The following OSBPL3 variants were observed in gnomAD, a reference collection of about 807,000 sequenced individuals.
OSBPL3 encodes oxysterol binding protein like 3, also known as oxysterol-binding protein-related protein 3.
In OSBPL3, 65 loss-of-function variants were observed where a neutral mutation model predicts 120.1. The ratio of observed to expected loss-of-function variants is 0.54; its 90% CI spans 0.44 to 0.67. The LOEUF (loss-of-function observed/expected upper bound fraction) is 0.67, where lower values mean the gene tolerates loss of function less well. Ranked by LOEUF, OSBPL3 falls within the 30% of genes least tolerant of loss-of-function variation. OSBPL3 has a pLI of 0.00. For missense variants in OSBPL3, 1,004 were observed against 1,082.1 expected (o/e 0.93, Z 1.01); for synonymous variants, 416 against 402.6 (o/e 1.03, Z -0.40).
rs1816682382 is a variant in OSBPL3 at position 24,968,801 on chromosome 7, T to C, written c.-150+11085A>G. Among the ~76,000 whole-genome samples the C allele has an allele frequency of 6.6e-6, 1 of 152,238 alleles. No homozygotes were observed. Among genetic ancestry groups the C allele is most frequent in the African/African-American group, 2.4e-5 (1 of 41,460 alleles). On this transcript the variant is annotated intron_variant, in intron 1 of 22. Transcript: ENST00000313367. This position sits in a 1 kb window ranked among gnomAD's most constrained non-coding sequence, Gnocchi z 4.6. ...TATATTATATATGGATATTCTATAC[T>C]TCACTTTTTTCTTAACTTCACAATA...
intron 1 of OSBPL3, among the ~76,000 whole-genome samples, chr7:24,935,748 A>T (rs1404957849): frequency 6.6e-6 from 1 of 152,128 alleles, no homozygotes. Flanking sequence ...GGGGAACACC[A>T]ATATTTAATT....
intron 1 of OSBPL3, among the ~76,000 whole-genome samples, chr7:24,902,699 A>AT (rs1170553041): frequency 1.5e-4 from 18 of 119,890 alleles, no homozygotes; most frequent in African/African-American, 3.1e-4. Flanking sequence ...ACAAGAGAAA[A>AT]TAAATAATAA....
At chr7:24,844,030 G>C (rs1263148992) in intron 12 of OSBPL3, among the ~76,000 whole-genome samples, 1 of 152,156 alleles carries the variant, frequency 6.6e-6, no homozygotes, top group African/African-American at 2.4e-5. Flanking sequence ...AAGATTTCCT[G>C]GCTGACCAAC....
Position 24,833,779 on chromosome 7 carries a change from T to C in OSBPL3, c.1746+707A>G, listed in dbSNP as rs995254105. Among the ~76,000 whole-genome samples the C allele has an allele frequency of 2.0e-5, 3 of 152,198 alleles. No homozygotes were observed. Among genetic ancestry groups the C allele is most frequent in the Admixed American group, 1.3e-4 (2 of 15,286 alleles). On this transcript the variant is annotated intron_variant, in intron 15 of 22. Coordinates refer to ENST00000313367, the MANE Select transcript of OSBPL3 (RefSeq NM_015550.4). The surrounding 1 kb of genome is among the most constrained non-coding windows in gnomAD (Gnocchi z 4.4). Reference sequence around the variant, plus strand: ...AGTTAGTCACAGTCATAGAGAGGGCTGATCTGCCCAGAGTCTTGCCCTTTG... The same window carrying C: ...AGTTAGTCACAGTCATAGAGAGGGCCGATCTGCCCAGAGTCTTGCCCTTTG...
chr7:24,830,671 G>T lies in OSBPL3; in HGVS notation c.1884+97C>A. 8.4e-7 allele frequency: 1 copy of T among 1,188,298 alleles called. No homozygotes were observed. The highest frequency in any genetic ancestry group is 1.2e-6 in the Non-Finnish European group (1 of 841,862). 73.6% of individuals were successfully genotyped at this position (1,188,298 alleles called of 1,614,324 possible). On this transcript the variant is annotated intron_variant, in intron 16 of 22. Transcript: ENST00000313367. This position sits in a 1 kb window ranked among gnomAD's most constrained non-coding sequence, Gnocchi z 4.4. ...GCACTGTAATTATCTCGGCTGCTTTGAAGCCAGTGAAAGGTGGAAGATAAA... is the reference window on the plus strand; with the variant it reads ...GCACTGTAATTATCTCGGCTGCTTTTAAGCCAGTGAAAGGTGGAAGATAAA...
At chr7:24,848,009 C>A (rs1442111983) in intron 12 of OSBPL3, among the ~76,000 whole-genome samples, 1 of 152,226 alleles carries the variant, frequency 6.6e-6, no homozygotes, top group Non-Finnish European at 1.5e-5. Context: ...AAGAGACCCA[C>A]AAGCTTCTGC....
At chr7:24,840,111 A>G (rs78791717) in intron 14 of OSBPL3, among the ~76,000 whole-genome samples, 1,900 of 151,750 alleles carry the variant, frequency 0.013, 42 homozygotes, top group African/African-American at 0.044. Context: ...ATTTATTTGA[A>G]TTAACACATC....
At position 24,959,161 on chromosome 7, in the gene OSBPL3, G is replaced by A. The variant is rs1201371650; in HGVS notation, c.-150+20725C>T. ...ATGGGCACAACCATTTTGGAAAACT[G>A]TTTGGGGGAATCAACTGAAGCTAAA... On this transcript the variant is annotated intron_variant, in intron 1 of 22. Coordinates refer to ENST00000313367, the MANE Select transcript of OSBPL3 (RefSeq NM_015550.4). The surrounding 1 kb of genome is among the most constrained non-coding windows in gnomAD (Gnocchi z 4.3). Among the ~76,000 whole-genome samples the A allele has an allele frequency of 6.6e-6, 1 of 152,242 alleles. No individual in the cohort carries two copies. Among genetic ancestry groups the A allele is most frequent in the East Asian group, 1.9e-4 (1 of 5,190 alleles).
At position 24,900,107 on chromosome 7, in the gene OSBPL3, C is replaced by T. The variant is rs1290865405; in HGVS notation, c.-149-7486G>A. Among the ~76,000 whole-genome samples the T allele has an allele frequency of 6.6e-6, 1 of 152,146 alleles. No homozygotes were observed. Among genetic ancestry groups the T allele is most frequent in the Admixed American group, 6.5e-5 (1 of 15,274 alleles). On this transcript the variant is annotated intron_variant, in intron 1 of 22. Coordinates refer to ENST00000313367, the MANE Select transcript of OSBPL3 (RefSeq NM_015550.4). This position sits in a 1 kb window ranked among gnomAD's most constrained non-coding sequence, Gnocchi z 4.5. Reference sequence around the variant, plus strand: ...CCTAAGACTTGCAGCATCATTATCACCTGGGACCTTGTTAGGAATGCAAAA... The same window carrying T: ...CCTAAGACTTGCAGCATCATTATCATCTGGGACCTTGTTAGGAATGCAAAA...
chr7:24,851,112 G>C lies in OSBPL3; in HGVS notation c.1158+1392C>G, dbSNP rs574630589. Among the ~76,000 whole-genome samples, 4 of 152,190 alleles carry C rather than the reference G, an allele frequency of 2.6e-5. No individual in the cohort carries two copies. The South Asian group carries it at 6.2e-4, about 24-fold the overall frequency. On this transcript the variant is annotated intron_variant, in intron 11 of 22. Transcript: ENST00000313367. The surrounding 1 kb of genome is among the most constrained non-coding windows in gnomAD (Gnocchi z 4.1). ...GGGAGAGGAAGATCATGGGGAGAGG[G>C]ACCTTGGAAGCCCATCAGAGATACC... is the stretch of plus-strand genomic sequence containing the variant.
intron 1 of OSBPL3, among the ~76,000 whole-genome samples, chr7:24,905,180 C>T (rs1325575551): frequency 6.6e-6 from 1 of 151,842 alleles, no homozygotes; most frequent in East Asian, 1.9e-4. Flanking sequence ...CACAAAGCAT[C>T]GGGGGTCAAG....
chr7:24,975,202 A>C (rs1200745793), intron 1 of OSBPL3, among the ~76,000 whole-genome samples: 2 of 152,254 alleles, frequency 1.3e-5, no homozygotes, highest in Non-Finnish European at 2.9e-5. Context: ...AGTACATAAC[A>C]TAGGCAAAAT....
At position 24,938,833 on chromosome 7, in the gene OSBPL3, G is replaced by GTGTGTT. The variant is rs1562990984; in HGVS notation, c.-150+41052_-150+41053insAACACA. Among the ~76,000 whole-genome samples the GTGTGTT allele has an allele frequency of 2.9e-5, 4 of 136,464 alleles. No homozygotes were observed. Among genetic ancestry groups the GTGTGTT allele is most frequent in the African/African-American group, 1.1e-4 (4 of 36,858 alleles). 89.5% of individuals were successfully genotyped at this position (136,464 alleles called of 152,430 possible). The stretch of plus-strand genomic sequence containing the variant: ...TGTGTGTGTGTGTGTGTGTGTGTGT[G>GTGTGTT]TTTTGAGAGCAAAACTAATGTGGCC... On this transcript the variant is annotated intron_variant, in intron 1 of 22. Transcript: ENST00000313367. This position sits in a 1 kb window ranked among gnomAD's most constrained non-coding sequence, Gnocchi z 5.8.
At chr7:24,892,281 T>G in intron 2 of OSBPL3, 96 bp downstream of exon 2, 1 of 1,252,772 alleles carries the variant, frequency 8.0e-7, no homozygotes, top group Non-Finnish European at 1.1e-6. Flanking sequence ...GCTCTTAAAC[T>G]GAGAAGTAGG....
chr7:24,848,099 C>T (rs1489333964), intron 12 of OSBPL3, among the ~76,000 whole-genome samples: 2 of 152,156 alleles, frequency 1.3e-5, no homozygotes, highest in Non-Finnish European at 2.9e-5. Flanking sequence ...GGTTCGGTGC[C>T]CGGAGCCCTA....
chr7:24,887,020 C>G (rs947599758), intron 2 of OSBPL3, among the ~76,000 whole-genome samples: 1 of 152,198 alleles, frequency 6.6e-6, no homozygotes, highest in Non-Finnish European at 1.5e-5. Context: ...TTCACATTTA[C>G]TATGTAAATG....
intron 10 of OSBPL3, among the ~76,000 whole-genome samples, chr7:24,853,495 A>G (rs1015297864): frequency 4.6e-5 from 7 of 152,236 alleles, no homozygotes; most frequent in African/African-American, 1.7e-4. Context: ...ACTGTTCCCA[A>G]TTAAAGGAGG....
rs59525014 is a variant in OSBPL3, at chr7:24,917,401, C to CATATATATATATATATATATATATATAT, written c.-149-24781_-149-24780insATATATATATATATATATATATATATAT. On this transcript the variant is annotated intron_variant, in intron 1 of 22. Coordinates refer to ENST00000313367, the MANE Select transcript of OSBPL3 (RefSeq NM_015550.4). ...TTGTAACATATATATATATTTGTAA[C>CATATATATATATATATATATATATATAT]ATATATATATATATATATATATATA... 6.4e-4 allele frequency among the ~76,000 whole-genome samples: 64 copies of CATATATATATATATATATATATATATAT among 100,030 alleles called. 1 individual carries two copies. Among genetic ancestry groups the CATATATATATATATATATATATATATAT allele is most frequent in the Admixed American group, 1.2e-3 (11 of 9,342 alleles). The allele number at this position is 100,030 out of a possible 152,430, so 65.6% of individuals were successfully genotyped here. A position where few individuals can be genotyped will look rare whatever the true frequency, so the allele number is the denominator to read the frequency against.
At chr7:24,951,339 A>G (rs1234958336) in intron 1 of OSBPL3, among the ~76,000 whole-genome samples, 1 of 152,200 alleles carries the variant, frequency 6.6e-6, no homozygotes, top group Non-Finnish European at 1.5e-5. Context: ...GTAAATCAAA[A>G]TCACTTTTTC....
Sources: gnomAD v4.1 joint callset for allele counts (sites outside exome capture counted in the v4.1 genomes callset) on GRCh38, gnomAD v4.1.1 for gene constraint, Gnocchi (gnomAD v3.1) non-coding constraint, MANE v1.5 for transcripts, NCBI Gene and HGNC (gene_info 2026-07-23, HGNC 2026-07-21) for gene names.